Variants in HOXB3 observed in about 807,000 individuals in gnomAD.
The protein encoded by HOXB3 is homeobox protein Hox-B3.
In HOXB3, 17 loss-of-function variants were observed where a neutral mutation model predicts 29.2. The ratio of observed to expected loss-of-function variants is 0.58; its 90% CI spans 0.40 to 0.87. The LOEUF (loss-of-function observed/expected upper bound fraction) is 0.87. Ranked by LOEUF, HOXB3 falls within the 40% of genes least tolerant of loss-of-function variation. HOXB3 has a pLI of 0.00. For missense variants in HOXB3, 637 were observed against 616.3 expected (o/e 1.03, Z -0.35); for synonymous variants, 317 against 285.9 (o/e 1.11, Z -1.10).
chr17:48,575,071 C>T (rs914077080), intron 1 of HOXB3: 30 of 152,334 alleles, frequency 2.0e-4, no homozygotes, highest in African/African-American at 7.0e-4. Flanking sequence ...AAGAGGCCAG[C>T]CTCATGGAAT....
chr17:48,551,351 C>A (rs2068734916), intron 4 of HOXB3, 170 bp from the exon 5 acceptor site: 2 of 725,920 alleles, frequency 2.8e-6, no homozygotes, highest in South Asian at 6.1e-5. Flanking sequence ...ACCCCACCGC[C>A]CGTCGCATTA....
chr17:48,554,314 T>C lies in HOXB3; in HGVS notation c.-159+1217A>G. ...CTGGCTAGGCCCTGGCTTTATTTAG[T>C]CTGATTGTTACAGCAATAATAATGA... is the stretch of plus-strand genomic sequence containing the variant. On this transcript the variant is annotated intron_variant, in intron 3 of 4. Coordinates refer to ENST00000498678, the MANE Select transcript of HOXB3 (RefSeq NM_001384749.1). The surrounding 1 kb of genome is among the most constrained non-coding windows in gnomAD (Gnocchi z 4.1). 3.3e-6 allele frequency: 1 copy of C among 303,372 alleles called. No individual in the cohort carries two copies. Among genetic ancestry groups the C allele is most frequent in the South Asian group, 4.6e-5 (1 of 21,826 alleles). The allele number at this position is 303,372 out of a possible 1,614,324, so 18.8% of individuals were successfully genotyped here.
At chr17:48,577,280 G>T in intron 1 of HOXB3, among the ~76,000 whole-genome samples, 1 of 152,092 alleles carries the variant, frequency 6.6e-6, no homozygotes, top group Non-Finnish European at 1.5e-5. Context: ...ACTCCCCCAA[G>T]GTTTTAATTG....
At chr17:48,585,784 T>C (rs1311895619) in intron 1 of HOXB3, among the ~76,000 whole-genome samples, 3 of 152,058 alleles carry the variant, frequency 2.0e-5, no homozygotes, top group Admixed American at 1.3e-4. Flanking sequence ...CGAAATAGGG[T>C]ATCCTCTATC....
rs762333689 is a variant in HOXB3, at chr17:48,550,986, C to G, written c.644G>C (p.Arg215Pro). 6.8e-6 allele frequency: 11 copies of G among 1,613,552 alleles called. No individual in the cohort carries two copies. The highest frequency in any genetic ancestry group is 9.3e-6 in the Non-Finnish European group (11 of 1,179,758). The change falls in exon 5 of 5, where the codon CGG becomes CCG. Residue 215 changes from arginine (R) to proline (P), a missense_variant. Coordinates refer to ENST00000498678, the MANE Select transcript of HOXB3 (RefSeq NM_001384749.1). ...KEFHFNRYLC[R>P]PRRVEMANLL... ...GTTGGCCATCTCTACACGGCGAGGC[C>G]GGCACAGGTAGCGGTTAAAATGGAA...
At chr17:48,577,825 C>A in intron 1 of HOXB3, 1 of 1,379,768 alleles carries the variant, frequency 7.2e-7, no homozygotes, top group South Asian at 2.0e-5. Flanking sequence ...GTGTAAAGCT[C>A]CAGGGGTGGG....
intron 2 of HOXB3, among the ~76,000 whole-genome samples, chr17:48,571,432 G>T (rs567413069): frequency 1.1e-3 from 164 of 152,320 alleles, no homozygotes; most frequent in African/African-American, 3.8e-3. Flanking sequence ...AATGGGGAGG[G>T]CCGAGGGAAC....
chr17:48,566,136 A>G (rs2069379748), intron 2 of HOXB3, among the ~76,000 whole-genome samples: 1 of 152,196 alleles, frequency 6.6e-6, no homozygotes, highest in South Asian at 2.1e-4. Context: ...CCCCTGAACA[A>G]CACAAAAGCA....
chr17:48,589,824 AC>A (rs1193164169), intron 1 of HOXB3, among the ~76,000 whole-genome samples: 2 of 151,620 alleles, frequency 1.3e-5, no homozygotes, highest in Non-Finnish European at 2.9e-5. Context: ...AGCAATATAC[AC>A]CCCTCCTTCC....
chr17:48,550,270 C>T lies in HOXB3; in HGVS notation c.*64G>A, dbSNP rs1402036534. ...CTCCTCTTTTCAGACCTCCAGGTTG[C>T]CCCCCAGAGCTCCACAGTCTCTCTC... On this transcript the variant is annotated 3_prime_UTR_variant, in exon 5 of 5. Coordinates refer to ENST00000498678, the MANE Select transcript of HOXB3 (RefSeq NM_001384749.1). The T allele has an allele frequency of 1.4e-5, 22 of 1,601,194 alleles. No homozygotes were observed. In the South Asian group the frequency reaches 1.6e-4, roughly 11 times the overall value.
Position 48,554,895 on chromosome 17 carries a change from G to T in HOXB3, c.-159+636C>A. 1 of 695,566 alleles carries T rather than the reference G, an allele frequency of 1.4e-6. No individual in the cohort carries two copies. The highest frequency in any genetic ancestry group is 1.5e-5 in the South Asian group (1 of 67,222). 43.1% of individuals were successfully genotyped at this position (695,566 alleles called of 1,614,324 possible). Reference sequence around the variant, plus strand: ...AGGTGCTAAGGGGACCCAAGATCTGGGATCCAGAACAAGAGGGGGTGGGGA... The same window carrying T: ...AGGTGCTAAGGGGACCCAAGATCTGTGATCCAGAACAAGAGGGGGTGGGGA... On this transcript the variant is annotated intron_variant, in intron 3 of 4. Transcript: ENST00000498678. The surrounding 1 kb of genome is among the most constrained non-coding windows in gnomAD (Gnocchi z 4.1).
In HOXB3 at chr17:48,555,650, T is replaced by C. The variant is rs1234371821; in HGVS notation, c.-246-32A>G. 5.7e-6 allele frequency: 4 copies of C among 700,818 alleles called. No homozygotes were observed. In the East Asian group the frequency reaches 8.1e-5, roughly 14 times the overall value. 43.4% of individuals were successfully genotyped at this position (700,818 alleles called of 1,614,324 possible). On this transcript the variant is annotated intron_variant, in intron 2 of 4. Coordinates refer to ENST00000498678, the MANE Select transcript of HOXB3 (RefSeq NM_001384749.1). The stretch of plus-strand genomic sequence containing the variant: ...GGCAAAGGAAAAAAAGACCACTGTT[T>C]AAAGCTGCGTCGCCCCCCGCCCCCC...
At chr17:48,565,668 T>C (rs1246092775) in intron 2 of HOXB3, among the ~76,000 whole-genome samples, 1 of 152,248 alleles carries the variant, frequency 6.6e-6, no homozygotes, top group Non-Finnish European at 1.5e-5. Flanking sequence ...TTCCCTTTCC[T>C]CTGTGGGGGA....
At chr17:48,570,521 G>C (rs963597024) in intron 2 of HOXB3, among the ~76,000 whole-genome samples, 9 of 152,208 alleles carry the variant, frequency 5.9e-5, no homozygotes, top group African/African-American at 2.2e-4. Flanking sequence ...CAGGGTACGG[G>C]AGCAGGGGTC....
At chr17:48,577,276 C>T (rs529354676) in intron 1 of HOXB3, among the ~76,000 whole-genome samples, 28 of 152,138 alleles carry the variant, frequency 1.8e-4, no homozygotes, top group African/African-American at 6.7e-4. Context: ...GAGGACTCCC[C>T]CAAGGTTTTA....
chr17:48,568,588 C>T (rs1256953969), intron 2 of HOXB3, among the ~76,000 whole-genome samples: 1 of 152,098 alleles, frequency 6.6e-6, no homozygotes, highest in African/African-American at 2.4e-5. Context: ...TTATCGAAGA[C>T]ATGGCCATAA....
At chr17:48,587,022 C>T (rs2070060490) in intron 1 of HOXB3, among the ~76,000 whole-genome samples, 2 of 152,000 alleles carry the variant, frequency 1.3e-5, no homozygotes, top group Non-Finnish European at 2.9e-5. Flanking sequence ...TATTTAATCC[C>T]CCACCCCGCC....
intron 1 of HOXB3, 172 bp from the exon 2 acceptor site, chr17:48,574,186 G>A (rs1385973448): frequency 3.5e-6 from 1 of 284,328 alleles, no homozygotes; most frequent in East Asian, 7.3e-5. Context: ...CTTCCAAAGA[G>A]CAGCTTTGAT....
At position 48,550,542 on chromosome 17, in the gene HOXB3, G is replaced by A. The variant is rs763363596; in HGVS notation, c.1088C>T (p.Pro363Leu). The A allele has an allele frequency of 1.6e-5, 24 of 1,536,998 alleles. No individual in the cohort carries two copies. The Admixed American group carries it at 3.9e-4, about 25-fold the overall frequency. ...VGGGGYADPL[P>L]PPAGPSLYGL... Reference sequence around the variant, plus strand: ...ATAGAGGGAGGGGCCGGCAGGGGGCGGCAGCGGATCCGCGTAGCCGCCCCC... The same window carrying A: ...ATAGAGGGAGGGGCCGGCAGGGGGCAGCAGCGGATCCGCGTAGCCGCCCCC... Residue 363 changes from proline to leucine, a missense_variant, in exon 5 of 5, where the codon CCG becomes CTG. Physicochemically the swap from Pro to Leu is moderately conservative, Grantham distance 98 (BLOSUM62 -3). Transcript: ENST00000498678.
Sources: gnomAD v4.1 joint callset for allele counts (sites outside exome capture counted in the v4.1 genomes callset) on GRCh38, gnomAD v4.1.1 for gene constraint, Gnocchi (gnomAD v3.1) non-coding constraint, MANE v1.5 for transcripts, NCBI Gene and HGNC (gene_info 2026-07-23, HGNC 2026-07-21) for gene names.